Variants in CSMD1 observed in about 807,000 individuals in gnomAD.
CSMD1 encodes CUB and sushi domain-containing protein 1.
Under a neutral mutation model 417.5 loss-of-function variants are expected in CSMD1, and 213 were observed. That is an observed-to-expected ratio of 0.51 (90% CI 0.46 to 0.57). CSMD1 has a LOEUF of 0.57. Ranked by LOEUF, CSMD1 falls within the 20% of genes least tolerant of loss-of-function variation. CSMD1 has a pLI of 0.00. For missense variants in CSMD1, 6,923 were observed against 4,529.7 expected (o/e 1.53, Z -15.17); for synonymous variants, 2,862 against 1,736.8 (o/e 1.65, Z -16.11).
At chr8:4,566,711 T>C (rs1180042831) in intron 2 of CSMD1, among the ~76,000 whole-genome samples, 1 of 138,882 alleles carries the variant, frequency 7.2e-6, no homozygotes, top group Non-Finnish European at 1.6e-5. Flanking sequence ...TTGGAATACA[T>C]ATATACAAAC....
At chr8:3,389,763 G>A (rs559555579) in intron 17 of CSMD1, among the ~76,000 whole-genome samples, 2 of 152,138 alleles carry the variant, frequency 1.3e-5, no homozygotes, top group African/African-American at 4.8e-5. Flanking sequence ...TAAAAACATC[G>A]AATTAAAATG....
At chr8:4,088,893 T>G (rs1800569957) in intron 3 of CSMD1, among the ~76,000 whole-genome samples, 1 of 152,048 alleles carries the variant, frequency 6.6e-6, no homozygotes, top group Non-Finnish European at 1.5e-5. Flanking sequence ...ATCTTCCCCC[T>G]CTACTCATTT....
intron 3 of CSMD1, among the ~76,000 whole-genome samples, chr8:4,348,633 G>C (rs185254201): frequency 9.0e-5 from 11 of 122,374 alleles, no homozygotes; most frequent in African/African-American, 4.4e-4. Context: ...GGAGGGGAGA[G>C]GGGGAGAGGG....
In CSMD1 at chr8:4,041,490, A is replaced by C. The variant is rs112546746; in HGVS notation, c.416-9391T>G. ...TAGTGTAAGGATCAAACTGTTCCAC[A>C]AATAGTCAACCAAACCCCAGTGAAA... On this transcript the variant is annotated intron_variant, in intron 3 of 69. Coordinates refer to ENST00000635120, the MANE Select transcript of CSMD1 (RefSeq NM_033225.6). Among the ~76,000 whole-genome samples the C allele has an allele frequency of 3.6e-3, 552 of 152,346 alleles. 2 individuals carry two copies. Among genetic ancestry groups the C allele is most frequent in the Admixed American group, 5.8e-3 (88 of 15,290 alleles).
chr8:3,036,285 C>T (rs951085976), intron 50 of CSMD1, among the ~76,000 whole-genome samples: 1 of 151,996 alleles, frequency 6.6e-6, no homozygotes, highest in African/African-American at 2.4e-5. Flanking sequence ...TAAATAAAGC[C>T]CTTTGCCCTT....
chr8:4,172,999 C>CT (rs1377338199), intron 3 of CSMD1, among the ~76,000 whole-genome samples: 3 of 152,100 alleles, frequency 2.0e-5, no homozygotes, highest in African/African-American at 7.2e-5. Flanking sequence ...CCACAGAAAC[C>CT]TTGAAATAAT....
intron 5 of CSMD1, among the ~76,000 whole-genome samples, chr8:3,929,686 G>A (rs569974492): frequency 1.3e-5 from 2 of 148,668 alleles, no homozygotes; most frequent in Admixed American, 6.7e-5. Flanking sequence ...TTTTGAGATG[G>A]AGTTTCACTC....
intron 26 of CSMD1, among the ~76,000 whole-genome samples, chr8:3,282,981 C>G (rs879278450): frequency 1.3e-5 from 2 of 152,088 alleles, no homozygotes; most frequent in Non-Finnish European, 2.9e-5. Flanking sequence ...CGGTGCCATC[C>G]GAAGGGCACT....
At chr8:3,281,705 GA>G (rs1802752254) in intron 26 of CSMD1, among the ~76,000 whole-genome samples, 7 of 152,114 alleles carry the variant, frequency 4.6e-5, no homozygotes, top group Non-Finnish European at 8.8e-5. Flanking sequence ...AGAACACAGG[GA>G]ATTGTTAGGG....
chr8:4,604,826 A>G (rs1585318572), intron 2 of CSMD1, among the ~76,000 whole-genome samples: 1 of 152,182 alleles, frequency 6.6e-6, no homozygotes, highest in East Asian at 1.9e-4. Context: ...TTTTTCAGCC[A>G]AGGATCTGTC....
intron 5 of CSMD1, among the ~76,000 whole-genome samples, chr8:3,995,822 G>A (rs527865359): frequency 6.6e-6 from 1 of 152,154 alleles, no homozygotes; most frequent in Non-Finnish European, 1.5e-5. Context: ...GAGCAGCTAA[G>A]CTAACAGGCA....
At chr8:3,326,968 G>A (rs2117515527) in intron 23 of CSMD1, among the ~76,000 whole-genome samples, 1 of 151,922 alleles carries the variant, frequency 6.6e-6, no homozygotes, top group Admixed American at 6.6e-5. Context: ...CATGAGCCCA[G>A]GAGCTCAAGA....
intron 1 of CSMD1, among the ~76,000 whole-genome samples, chr8:4,699,154 A>T (rs896603986): frequency 6.6e-6 from 1 of 152,154 alleles, no homozygotes; most frequent in African/African-American, 2.4e-5. Flanking sequence ...TGGAACAATT[A>T]ATTCCGTGTT....
intron 7 of CSMD1, among the ~76,000 whole-genome samples, chr8:3,693,491 C>CAGGCTGGTCAAATTATGGG (rs1800368416): frequency 6.6e-6 from 1 of 152,070 alleles, no homozygotes; most frequent in Admixed American, 6.5e-5. Flanking sequence ...CAAATTATGG[C>CAGGCTGGTCAAATTATGGG]AGCAGGCAGC....
At chr8:3,998,750 A>G (rs759564245) in intron 4 of CSMD1, among the ~76,000 whole-genome samples, 1 of 151,960 alleles carries the variant, frequency 6.6e-6, no homozygotes, top group Non-Finnish European at 1.5e-5. Context: ...ACTAACAATT[A>G]AAAAATTATT....
chr8:3,451,243 A>C (rs1815692797), intron 12 of CSMD1, among the ~76,000 whole-genome samples: 1 of 152,182 alleles, frequency 6.6e-6, no homozygotes, highest in Non-Finnish European at 1.5e-5. Context: ...ACATTGCAAA[A>C]CATTTCTGCC....
At chr8:3,905,712 C>T (rs1306841199) in intron 5 of CSMD1, among the ~76,000 whole-genome samples, 4 of 152,208 alleles carry the variant, frequency 2.6e-5, no homozygotes, top group Non-Finnish European at 4.4e-5. Context: ...TCCTTATCCA[C>T]ATCCAAGTCC....
chr8:3,976,115 T>G (rs911512072), intron 5 of CSMD1, among the ~76,000 whole-genome samples: 1 of 152,024 alleles, frequency 6.6e-6, no homozygotes, highest in Non-Finnish European at 1.5e-5. Context: ...ATAGAGAAAA[T>G]ACATTACCTA....
At chr8:3,438,031 G>C (rs1412455023) in intron 12 of CSMD1, among the ~76,000 whole-genome samples, 1 of 152,104 alleles carries the variant, frequency 6.6e-6, no homozygotes, top group East Asian at 1.9e-4. Flanking sequence ...TAAAATAGAG[G>C]TTTTTGTACA....
Sources: gnomAD v4.1 joint callset for allele counts (sites outside exome capture counted in the v4.1 genomes callset) on GRCh38, gnomAD v4.1.1 for gene constraint, MANE v1.5 for transcripts, NCBI Gene and HGNC (gene_info 2026-07-23, HGNC 2026-07-21) for gene names.